Variants in MAPK10 observed in about 807,000 individuals in gnomAD.
MAPK10 encodes mitogen-activated protein kinase 10.
In MAPK10, 25 loss-of-function variants were observed where a neutral mutation model predicts 59.3. That is an observed-to-expected ratio of 0.42 (90% confidence interval 0.31 to 0.59). MAPK10 has a LOEUF of 0.59. Ranked by LOEUF, MAPK10 falls within the 20% of genes least tolerant of loss-of-function variation. The probability of loss-of-function intolerance (pLI) is 0.15; values close to 1 mark genes in which losing one functional copy is unlikely to be tolerated. For synonymous variants in MAPK10, 190 were observed against 200.5 expected (o/e 0.95, Z 0.44); for missense variants, 351 against 568.9 (o/e 0.62, Z 3.90).
In MAPK10 at chr4:86,358,359, T is replaced by C. The variant is rs1029243403; in HGVS notation, c.-122+1299A>G. On this transcript the variant is annotated intron_variant, in intron 1 of 13. Coordinates refer to ENST00000641462, the MANE Select transcript of MAPK10 (RefSeq NM_138982.4). ...GAGATATTGGATGTTGTGCTGGCAATGCCTGGTGCACTTACACTCGTTTTC... is the reference window on the plus strand; with the variant it reads ...GAGATATTGGATGTTGTGCTGGCAACGCCTGGTGCACTTACACTCGTTTTC... 1.0e-5 allele frequency: 10 copies of C among 985,334 alleles called. No individual in the cohort carries two copies. In the African/African-American group the frequency reaches 1.7e-4, roughly 17 times the overall value. The allele number at this position is 985,334 out of a possible 1,614,324, so 61.0% of individuals were successfully genotyped here.
At chr4:86,369,401 A>T (rs181660607) in intron 1 of MAPK10, among the ~76,000 whole-genome samples, 1 of 152,212 alleles carries the variant, frequency 6.6e-6, no homozygotes, top group Non-Finnish European at 1.5e-5. Context: ...CTAATTGGTG[A>T]ATTCTGGGTC....
intron 11 of MAPK10, among the ~76,000 whole-genome samples, chr4:86,039,790 G>A (rs1210604845): frequency 6.6e-6 from 1 of 152,140 alleles, no homozygotes; most frequent in Non-Finnish European, 1.5e-5. Flanking sequence ...TAGGCGTCAG[G>A]TCTGCCCTTG....
chr4:86,359,711 C>T lies in MAPK10; in HGVS notation c.-175G>A, dbSNP rs574765941. 3 of 985,758 alleles carry T rather than the reference C, an allele frequency of 3.0e-6. No homozygotes were observed. The African/African-American group carries it at 5.2e-5, about 17-fold the overall frequency. The allele number at this position is 985,758 out of a possible 1,614,324, so 61.1% of individuals were successfully genotyped here. On this transcript the variant is annotated 5_prime_UTR_variant, in exon 1 of 14. Transcript: ENST00000641462. ...ATCCGGCAGTGTTTGCCCCAGAAAT[C>T]CTCCCTACTTGTTTTTCATTAACCA...
At chr4:86,064,728 A>G (rs1214733499) in intron 10 of MAPK10, 2 of 222,976 alleles carry the variant, frequency 9.0e-6, no homozygotes, top group South Asian at 8.8e-5. Context: ...CAGAATAAAG[A>G]GCACAGAGTG....
chr4:86,292,953 C>T (rs2095267411), intron 2 of MAPK10, among the ~76,000 whole-genome samples: 1 of 152,130 alleles, frequency 6.6e-6, no homozygotes, highest in Admixed American at 6.5e-5. Flanking sequence ...GGTACAAATG[C>T]ATAAAACTAA....
chr4:86,476,340 G>A (rs934798323), intron 1 of MAPK10, among the ~76,000 whole-genome samples: 4 of 152,126 alleles, frequency 2.6e-5, no homozygotes, highest in African/African-American at 9.7e-5. Flanking sequence ...GTTTCGTTCT[G>A]TGACTAGCCT....
intron 3 of MAPK10, among the ~76,000 whole-genome samples, chr4:86,175,331 A>G (rs886236590): frequency 2.6e-5 from 4 of 152,202 alleles, no homozygotes; most frequent in African/African-American, 9.6e-5. Context: ...GAAACACTAA[A>G]GCCATGTTTT....
intron 2 of MAPK10, among the ~76,000 whole-genome samples, chr4:86,249,816 C>A (rs2148709303): frequency 6.6e-6 from 1 of 152,266 alleles, no homozygotes; most frequent in Admixed American, 6.5e-5. Flanking sequence ...ATGACAACTG[C>A]AGTCAAGATG....
chr4:86,285,299 C>A (rs1187487547), intron 2 of MAPK10, among the ~76,000 whole-genome samples: 4 of 150,384 alleles, frequency 2.7e-5, no homozygotes, highest in African/African-American at 7.4e-5. Flanking sequence ...CTCACTGCAA[C>A]CTCTGCCTCC....
chr4:86,215,433 T>G (rs1490123846), intron 2 of MAPK10, among the ~76,000 whole-genome samples: 6 of 152,128 alleles, frequency 3.9e-5, no homozygotes, highest in Admixed American at 3.9e-4. Flanking sequence ...ATTTAAAACT[T>G]GTTCATGAAA....
chr4:86,204,993 C>T (rs1050196027), intron 2 of MAPK10, among the ~76,000 whole-genome samples: 3 of 151,910 alleles, frequency 2.0e-5, no homozygotes, highest in African/African-American at 4.8e-5. Context: ...TCTACAATAA[C>T]CGTAAAACCC....
chr4:86,122,567 C>G, intron 4 of MAPK10, among the ~76,000 whole-genome samples: 1 of 152,108 alleles, frequency 6.6e-6, no homozygotes, highest in East Asian at 1.9e-4. Flanking sequence ...AAGCTCTGCT[C>G]TCTTTCATCT....
At chr4:86,403,799 CTCCCTCCCTTGACACATGGGGATTACAGG>C (rs1211334103) in intron 1 of MAPK10, among the ~76,000 whole-genome samples, 1 of 152,094 alleles carries the variant, frequency 6.6e-6, no homozygotes, top group African/African-American at 2.4e-5. Context: ...ATCCAATTAC[CTCCCTCCCTTGACACATGGGGATTACAGG>C]TCCCTCCCTT....
At chr4:86,540,497 C>G (rs1340658524) in intron 1 of MAPK10, among the ~76,000 whole-genome samples, 3 of 151,990 alleles carry the variant, frequency 2.0e-5, no homozygotes, top group Non-Finnish European at 4.4e-5. Flanking sequence ...GAGACCCTGT[C>G]TCAAACAAAC....
chr4:86,401,248 C>T (rs758621684), intron 1 of MAPK10, among the ~76,000 whole-genome samples: 12 of 152,070 alleles, frequency 7.9e-5, no homozygotes, highest in African/African-American at 2.7e-4. Flanking sequence ...TTCTGTTCTA[C>T]GTTAGAACAG....
intron 1 of MAPK10, among the ~76,000 whole-genome samples, chr4:86,471,408 AAAT>A (rs1474244906): frequency 6.6e-6 from 1 of 152,206 alleles, no homozygotes; most frequent in African/African-American, 2.4e-5. Context: ...TATTCTTACA[AAAT>A]AAGAGATAAA....
intron 1 of MAPK10, among the ~76,000 whole-genome samples, chr4:86,546,969 C>T (rs1759236178): frequency 6.6e-6 from 1 of 152,004 alleles, no homozygotes; most frequent in Non-Finnish European, 1.5e-5. Flanking sequence ...GGCAGGAGAA[C>T]CGTGTGAACC....
At chr4:86,282,696 TG>T (rs1019877317) in intron 2 of MAPK10, among the ~76,000 whole-genome samples, 2 of 152,074 alleles carry the variant, frequency 1.3e-5, no homozygotes, top group African/African-American at 4.8e-5. Flanking sequence ...CTCTCTGAGG[TG>T]TTTATAAATC....
At chr4:86,246,418 A>G (rs10003259) in intron 2 of MAPK10, among the ~76,000 whole-genome samples, 29,408 of 152,122 alleles carry the variant, frequency 0.19, 5,715 homozygotes, top group African/African-American at 0.5. Context: ...GCAGCAGAGC[A>G]AGACTCCATC....
Sources: gnomAD v4.1 joint callset for allele counts (sites outside exome capture counted in the v4.1 genomes callset) on GRCh38, gnomAD v4.1.1 for gene constraint, MANE v1.5 for transcripts, NCBI Gene and HGNC (gene_info 2026-07-23, HGNC 2026-07-21) for gene names.